Variants in ROBO2 observed in about 807,000 individuals in gnomAD.
ROBO2 encodes roundabout homolog 2.
A neutral mutation model predicts 160.8 loss-of-function variants in ROBO2; 53 were observed. The observed-to-expected ratio is 0.33, with a 90% CI of 0.26 to 0.41. The LOEUF (loss-of-function observed/expected upper bound fraction) is 0.41, where lower values mean the gene tolerates loss of function less well. ROBO2 is among the 10% of genes least tolerant of loss of function. The probability of loss-of-function intolerance (pLI) is 1.00; values close to 1 mark genes in which losing one functional copy is unlikely to be tolerated. For missense variants in ROBO2, 1,577 were observed against 1,722.4 expected (o/e 0.92, Z 1.49); for synonymous variants, 664 against 611.7 (o/e 1.09, Z -1.26).
intron 2 of ROBO2, among the ~76,000 whole-genome samples, chr3:76,881,326 A>G (rs956153152): frequency 2.6e-5 from 4 of 152,200 alleles, no homozygotes; most frequent in African/African-American, 9.6e-5. Context: ...TATGTCTTAG[A>G]GTCTGAACAG....
intron 2 of ROBO2, among the ~76,000 whole-genome samples, chr3:76,407,467 A>C (rs2075264690): frequency 6.9e-6 from 1 of 145,102 alleles, no homozygotes; most frequent in Non-Finnish European, 1.5e-5. Flanking sequence ...ATAAAAGTCA[A>C]CATAGTATGT....
At chr3:76,135,705 T>C (rs1329801483) in intron 2 of ROBO2, among the ~76,000 whole-genome samples, 1 of 152,138 alleles carries the variant, frequency 6.6e-6, no homozygotes, top group Non-Finnish European at 1.5e-5. Flanking sequence ...TGTCAGTAGC[T>C]GAGCCAAGAA....
chr3:76,273,277 A>G (rs893118343), intron 2 of ROBO2, among the ~76,000 whole-genome samples: 2 of 150,304 alleles, frequency 1.3e-5, no homozygotes, highest in African/African-American at 2.5e-5. Context: ...TGTAGCAATG[A>G]TGAAATACAG....
chr3:76,011,787 A>G (rs2066201665), intron 2 of ROBO2, among the ~76,000 whole-genome samples: 1 of 152,178 alleles, frequency 6.6e-6, no homozygotes, highest in Non-Finnish European at 1.5e-5. Flanking sequence ...AGGATACAAT[A>G]TTGTTTCCAG....
intron 2 of ROBO2, among the ~76,000 whole-genome samples, chr3:76,158,292 G>A (rs775718447): frequency 5.3e-5 from 8 of 151,906 alleles, no homozygotes; most frequent in Non-Finnish European, 1.0e-4. Context: ...CTCTGTTCTT[G>A]CCTTATCCTA....
chr3:77,470,052 T>C (rs1456337395), intron 2 of ROBO2, among the ~76,000 whole-genome samples: 1 of 152,140 alleles, frequency 6.6e-6, no homozygotes, highest in African/African-American at 2.4e-5. Context: ...TAGGAGTTAC[T>C]TGCAGGCAGA....
At chr3:76,871,028 T>C (rs949973261) in intron 2 of ROBO2, among the ~76,000 whole-genome samples, 1 of 152,168 alleles carries the variant, frequency 6.6e-6, no homozygotes, top group South Asian at 2.1e-4. Flanking sequence ...ACAACAATGA[T>C]AGCATGAAAC....
chr3:76,684,911 G>T (rs1171878851), intron 2 of ROBO2, among the ~76,000 whole-genome samples: 1 of 150,930 alleles, frequency 6.6e-6, no homozygotes, highest in Admixed American at 6.6e-5. Context: ...GATTAGAAGA[G>T]AATTAAAAAC....
In ROBO2 at chr3:77,512,841, A is replaced by G. The variant is rs1319295196; in HGVS notation, c.807-9934A>G. Among the ~76,000 whole-genome samples, 3 of 151,986 alleles carry G rather than the reference A, an allele frequency of 2.0e-5. No homozygotes were observed. In the East Asian group the frequency reaches 5.8e-4, roughly 29 times the overall value. The stretch of plus-strand genomic sequence containing the variant: ...CTTAAAGGGAAAGAAACATTTACTC[A>G]TATAGACATTAAATGTTTCCTGGTT... On this transcript the variant is annotated intron_variant, in intron 5 of 25. Coordinates refer to ENST00000461745, the Ensembl canonical transcript of ROBO2.
At chr3:76,853,548 T>C (rs1477043085) in intron 2 of ROBO2, among the ~76,000 whole-genome samples, 2 of 152,096 alleles carry the variant, frequency 1.3e-5, no homozygotes, top group Non-Finnish European at 2.9e-5. Flanking sequence ...TACTGCAAAT[T>C]TGTAGGTGTT....
At chr3:77,584,402 T>C (rs905696875) in intron 16 of ROBO2, among the ~76,000 whole-genome samples, 1 of 152,124 alleles carries the variant, frequency 6.6e-6, no homozygotes, top group African/African-American at 2.4e-5. Flanking sequence ...TAAAGAAAAA[T>C]AAACAAATAA....
intron 2 of ROBO2, among the ~76,000 whole-genome samples, chr3:76,629,347 T>A (rs12489965): frequency 0.6 from 91,485 of 151,868 alleles, 27,706 homozygotes; most frequent in East Asian, 0.69. Context: ...ATGTCTACAT[T>A]AAGAGGAGTT....
intron 2 of ROBO2, among the ~76,000 whole-genome samples, chr3:76,301,808 G>A (rs182739319): frequency 4.7e-4 from 72 of 152,150 alleles, no homozygotes; most frequent in South Asian, 2.1e-3. Flanking sequence ...AAATATAGCC[G>A]AAGGGTTGTA....
chr3:76,093,425 T>TTTAAATTA (rs1413512717), intron 2 of ROBO2, among the ~76,000 whole-genome samples: 4 of 151,132 alleles, frequency 2.6e-5, no homozygotes, highest in Non-Finnish European at 5.9e-5. Flanking sequence ...AATCAAATAT[T>TTTAAATTA]TACTAGCAGT....
intron 2 of ROBO2, among the ~76,000 whole-genome samples, chr3:76,275,261 C>A (rs1056019523): frequency 1.3e-5 from 2 of 152,058 alleles, no homozygotes; most frequent in African/African-American, 4.8e-5. Flanking sequence ...GTAGTGGAAG[C>A]AGAATTTAAT....
intron 2 of ROBO2, chr3:77,316,916 G>T: frequency 8.3e-7 from 1 of 1,199,600 alleles, no homozygotes; most frequent in South Asian, 1.2e-5. Flanking sequence ...AAGCAGGCAT[G>T]AGGGTCAGTC....
At chr3:76,770,939 C>T (rs1560532046) in intron 2 of ROBO2, among the ~76,000 whole-genome samples, 1 of 151,274 alleles carries the variant, frequency 6.6e-6, no homozygotes, top group East Asian at 2.0e-4. Flanking sequence ...TCACCCTTGA[C>T]TACAATTTTG....
At chr3:77,164,569 G>T (rs556716722) in intron 2 of ROBO2, among the ~76,000 whole-genome samples, 2 of 141,640 alleles carry the variant, frequency 1.4e-5, no homozygotes, top group Admixed American at 6.9e-5. Flanking sequence ...CAGCCGCCCC[G>T]TCCGGGAGGT....
chr3:77,196,030 A>T (rs1359111717), intron 2 of ROBO2, among the ~76,000 whole-genome samples: 5 of 152,202 alleles, frequency 3.3e-5, no homozygotes, highest in Non-Finnish European at 7.3e-5. Context: ...ACTAGGGGGC[A>T]TCATCTGCTG....
Sources: gnomAD v4.1 joint callset for allele counts (sites outside exome capture counted in the v4.1 genomes callset) on GRCh38, gnomAD v4.1.1 for gene constraint, MANE v1.5 for transcripts, NCBI Gene and HGNC (gene_info 2026-07-23, HGNC 2026-07-21) for gene names.